The following ADCY7 variants were observed in gnomAD, a reference collection of about 807,000 sequenced individuals.
ADCY7 encodes the protein adenylate cyclase type 7.
In ADCY7, 72 loss-of-function variants were observed where a neutral mutation model predicts 120.6. That is an observed-to-expected ratio of 0.60 (90% confidence interval 0.49 to 0.73). The LOEUF is 0.73. Ranked by LOEUF, ADCY7 falls within the 30% of genes least tolerant of loss-of-function variation. The pLI, the probability that ADCY7 is intolerant of heterozygous loss-of-function variation, is 0.00. For missense variants in ADCY7, 1,227 were observed against 1,486.0 expected (o/e 0.83, Z 2.87); for synonymous variants, 661 against 628.0 (o/e 1.05, Z -0.78).
intron 18 of ADCY7, among the ~76,000 whole-genome samples, chr16:50,310,300 G>A (rs536913147): frequency 9.9e-5 from 15 of 152,232 alleles, no homozygotes; most frequent in African/African-American, 3.4e-4. Context: ...GGTGTGAAGA[G>A]CGTGGTCTTT....
At chr16:50,256,016 T>C (rs912278868) in intron 1 of ADCY7, among the ~76,000 whole-genome samples, 1 of 37,414 alleles carries the variant, frequency 2.7e-5, no homozygotes, top group Non-Finnish European at 5.1e-5. Context: ...GATACTGGTC[T>C]GGGCAATTAT....
intron 1 of ADCY7, among the ~76,000 whole-genome samples, chr16:50,278,995 G>A (rs753024886): frequency 9.2e-5 from 14 of 151,380 alleles, no homozygotes; most frequent in South Asian, 4.2e-4. Flanking sequence ...CCTCAGCCTC[G>A]CGAGTAGCTG....
intron 1 of ADCY7, among the ~76,000 whole-genome samples, chr16:50,270,192 T>C (rs1199914362): frequency 6.6e-6 from 1 of 151,134 alleles, no homozygotes; most frequent in Admixed American, 6.6e-5. Context: ...GATAGATAGA[T>C]AGATAGATAG....
At position 50,304,462 on chromosome 16, in the gene ADCY7, TG is replaced by T. The variant is rs1259233981; in HGVS notation, c.1477del (p.Ala493ArgfsTer14). ...SVRMTRYLES[W>X]GAARPFAHLN... Reference sequence around the variant, plus strand: ...GCGCATGACCCGGTACCTCGAGTCCTGGGGGGCGGCACGGCCCTTTGCACAT... The same window carrying T: ...GCGCATGACCCGGTACCTCGAGTCCTGGGGGCGGCACGGCCCTTTGCACAT... On this transcript the variant is annotated frameshift_variant, in exon 11 of 26. Coordinates refer to ENST00000673801, the MANE Select transcript of ADCY7 (RefSeq NM_001114.5). LOFTEE classifies it high-confidence loss of function. The T allele has an allele frequency of 1.9e-6, 3 of 1,609,528 alleles. No homozygotes were observed. The highest frequency in any genetic ancestry group is 1.7e-6 in the Non-Finnish European group (2 of 1,178,008).
At chr16:50,293,619 G>A in intron 6 of ADCY7, 117 bp downstream of exon 6, 1 of 1,297,648 alleles carries the variant, frequency 7.7e-7, no homozygotes, top group African/African-American at 1.5e-5. Flanking sequence ...TATAGGGATT[G>A]GGAGAGGGCC....
At chr16:50,311,591 A>G (rs1489148204) in intron 19 of ADCY7, 102 bp from the exon 20 acceptor site, 1 of 833,798 alleles carries the variant, frequency 1.2e-6, no homozygotes, top group Non-Finnish European at 2.1e-6. Flanking sequence ...ATTAGAATCA[A>G]TTTTCCCCTT....
At chr16:50,266,452 C>T (rs2033215706), upstream of ADCY7, 1 of 155,106 alleles carries the variant, frequency 6.4e-6, no homozygotes, top group African/African-American at 2.4e-5. Context: ...CCCTGCACAC[C>T]CCGAGAGGCT....
chr16:50,308,006 A>AC (rs913748379), intron 15 of ADCY7, among the ~76,000 whole-genome samples: 6 of 151,878 alleles, frequency 4.0e-5, no homozygotes, highest in Non-Finnish European at 5.9e-5. Context: ...AAAAAAAAAA[A>AC]AAAAAAAAAA....
chr16:50,285,864 A>T (rs1275834472), intron 1 of ADCY7, among the ~76,000 whole-genome samples: 1 of 152,100 alleles, frequency 6.6e-6, no homozygotes, highest in Admixed American at 6.5e-5. Context: ...CACACAGGAG[A>T]TATAAGGGCT....
intron 2 of ADCY7, 70 bp downstream of exon 2, chr16:50,288,420 C>G: frequency 7.2e-7 from 1 of 1,389,566 alleles, no homozygotes; most frequent in Non-Finnish European, 9.6e-7. Context: ...CTTCTCTTAG[C>G]CTCTTCTGTA....
chr16:50,298,853 AG>A (rs776000970), intron 7 of ADCY7, 50 bp from the exon 8 acceptor site: 2 of 1,578,798 alleles, frequency 1.3e-6, no homozygotes, highest in South Asian at 2.3e-5. Context: ...CTGTCGTGAG[AG>A]GTCCCAGCCC....
At chr16:50,272,059 G>A (rs1185928898) in intron 1 of ADCY7, among the ~76,000 whole-genome samples, 1 of 152,152 alleles carries the variant, frequency 6.6e-6, no homozygotes, top group Non-Finnish European at 1.5e-5. Flanking sequence ...AGGTACCCCC[G>A]TTTCCAGTTG....
upstream of ADCY7, among the ~76,000 whole-genome samples, chr16:50,262,313 A>C: frequency 6.7e-6 from 1 of 148,982 alleles, no homozygotes; most frequent in East Asian, 2.0e-4. Flanking sequence ...GCTGGAGTGC[A>C]GTGGTGTGAT....
At chr16:50,284,691 C>T (rs78603056) in intron 1 of ADCY7, among the ~76,000 whole-genome samples, 1,682 of 152,324 alleles carry the variant, frequency 0.011, 40 homozygotes, top group African/African-American at 0.039. Flanking sequence ...CTCAGTCCCC[C>T]GGGATGTCAG....
chr16:50,258,486 C>T (rs964349330), intron 1 of ADCY7, among the ~76,000 whole-genome samples: 4 of 146,782 alleles, frequency 2.7e-5, no homozygotes, highest in Non-Finnish European at 6.0e-5. Context: ...ATTTTTTTCA[C>T]ACAACAGCAC....
intron 7 of ADCY7, among the ~76,000 whole-genome samples, chr16:50,298,408 G>A (rs1047795728): frequency 2.0e-4 from 31 of 152,232 alleles, no homozygotes; most frequent in South Asian, 6.2e-4. Context: ...AGAGGTCTTC[G>A]CTGGCCTCCT....
At chr16:50,296,874 G>A (rs2035387165) in intron 7 of ADCY7, among the ~76,000 whole-genome samples, 2 of 152,216 alleles carry the variant, frequency 1.3e-5, no homozygotes, top group Non-Finnish European at 2.9e-5. Context: ...GTCCCATCCT[G>A]GGGATTGTGG....
chr16:50,305,440 C>A, intron 12 of ADCY7, 63 bp from the exon 13 acceptor site: 3 of 1,455,034 alleles, frequency 2.1e-6, no homozygotes, highest in South Asian at 1.2e-5. Flanking sequence ...TACGTCCACA[C>A]CCTCCTCTGG....
chr16:50,294,302 CTG>C (rs1325203704), intron 6 of ADCY7, among the ~76,000 whole-genome samples: 2 of 152,164 alleles, frequency 1.3e-5, no homozygotes, highest in Non-Finnish European at 2.9e-5. Flanking sequence ...GTTCTGAAGT[CTG>C]TGCTGTGGTG....
Sources: allele counts gnomAD v4.1 joint callset (sites outside exome capture counted in the v4.1 genomes callset), GRCh38; gene constraint gnomAD v4.1.1; transcripts MANE v1.5; gene names NCBI Gene and HGNC (gene_info 2026-07-23, HGNC 2026-07-21).